Variants in C2CD5 observed in about 807,000 individuals in gnomAD.
The protein encoded by C2CD5 is C2 calcium dependent domain containing 5.
Under a neutral mutation model 130.3 loss-of-function variants are expected in C2CD5, and 109 were observed. The ratio of observed to expected loss-of-function variants is 0.84; its 90% CI spans 0.72 to 0.98. C2CD5 has a LOEUF of 0.98. Among genes scored for constraint, C2CD5 ranks in the 50% least tolerant of loss-of-function variants. The pLI, the probability that C2CD5 is intolerant of heterozygous loss-of-function variation, is 0.00. For synonymous variants in C2CD5, 454 were observed against 429.2 expected, an observed-to-expected ratio of 1.06 and a Z score of -0.71; for missense variants, 996 against 1,261.8, an observed-to-expected ratio of 0.79 and a Z score of 3.19.
chr12:22,492,516 C>T (rs376867872), intron 11 of C2CD5, among the ~76,000 whole-genome samples: 6 of 152,016 alleles, frequency 3.9e-5, no homozygotes, highest in South Asian at 2.1e-4. Flanking sequence ...TGGGGTCAGA[C>T]GACTTGAGAA....
intron 16 of C2CD5, among the ~76,000 whole-genome samples, chr12:22,473,722 ATC>A (rs1943400358): frequency 6.6e-6 from 1 of 152,054 alleles, no homozygotes; most frequent in Admixed American, 6.6e-5. Context: ...TGAAATTCTC[ATC>A]TACTAGGTCT....
At chr12:22,479,525 C>T (rs1944400658) in intron 14 of C2CD5, among the ~76,000 whole-genome samples, 1 of 152,084 alleles carries the variant, frequency 6.6e-6, no homozygotes, top group African/African-American at 2.4e-5. Flanking sequence ...AGGCAAGAGA[C>T]TGAAATTCAG....
At chr12:22,460,467 T>C (rs1940885465) in intron 22 of C2CD5, 1 of 151,700 alleles carries the variant, frequency 6.6e-6, no homozygotes, top group South Asian at 2.1e-4. Flanking sequence ...TTGGTAACAT[T>C]CTTAAATTAA....
At chr12:22,452,449 C>CT (rs1565631585) in intron 26 of C2CD5, among the ~76,000 whole-genome samples, 2 of 152,092 alleles carry the variant, frequency 1.3e-5, no homozygotes, top group East Asian at 3.9e-4. Context: ...ATCTCCTTCA[C>CT]GCCAAATCTT....
intron 12 of C2CD5, among the ~76,000 whole-genome samples, chr12:22,486,390 T>A (rs777255325): frequency 3.6e-4 from 55 of 152,232 alleles, no homozygotes; most frequent in Non-Finnish European, 7.2e-4. Flanking sequence ...CCTTTCCCCA[T>A]ATCAGTGCCA....
chr12:22,480,432 A>G (rs1173213186), intron 14 of C2CD5, among the ~76,000 whole-genome samples: 1 of 152,222 alleles, frequency 6.6e-6, no homozygotes, highest in African/African-American at 2.4e-5. Flanking sequence ...AAGTGCACAA[A>G]CTATAACAAA....
At chr12:22,472,200 G>GT (rs1057482901) in intron 18 of C2CD5, 86 bp downstream of exon 18, 29 of 888,138 alleles carry the variant, frequency 3.3e-5, no homozygotes, top group East Asian at 8.1e-5. Context: ...CAATAAGGAG[G>GT]TAAAAAAAAA....
In C2CD5 at chr12:22,449,776, C is replaced by T. The variant is rs1345416646; in HGVS notation, c.3140G>A (p.Gly1047Asp). The change falls in exon 27 of 27, where the codon GGC becomes GAC. Residue 1047 changes from glycine to aspartate, a missense_variant. Gly to Asp is a moderately conservative substitution (Grantham distance 94). Around this residue, in one of 9 missense-constraint regions of C2CD5, gnomAD observed 48 missense variants for 46.4 expected, o/e 1.03. Coordinates refer to ENST00000446597, the MANE Select transcript of C2CD5 (RefSeq NM_001286176.2). ...TAATTTTCCTCAGGTTGTAACTTCG[C>T]CTTCAGTACATGATGACTGGCAGTT... ...TTNCQSSCTE[G>D]EVTT 6.3e-7 allele frequency: 1 copy of T among 1,593,464 alleles called. No homozygotes were observed. Among genetic ancestry groups the T allele is most frequent in the South Asian group, 1.1e-5 (1 of 88,632 alleles).
intron 22 of C2CD5, among the ~76,000 whole-genome samples, chr12:22,460,885 T>C (rs149438946): frequency 2.0e-5 from 3 of 152,202 alleles, no homozygotes; most frequent in Admixed American, 6.6e-5. Flanking sequence ...GGCCCACAGT[T>C]TTCATAAAGC....
intron 24 of C2CD5, among the ~76,000 whole-genome samples, chr12:22,457,855 G>A (rs567063392): frequency 2.6e-5 from 4 of 152,094 alleles, no homozygotes; most frequent in Non-Finnish European, 5.9e-5. Context: ...TAAGTAACTT[G>A]CCCAAGGTCT....
intron 10 of C2CD5, among the ~76,000 whole-genome samples, chr12:22,506,453 A>G (rs1948546230): frequency 6.6e-6 from 1 of 152,246 alleles, no homozygotes; most frequent in Non-Finnish European, 1.5e-5. Context: ...CCTGGGTCAA[A>G]GAAAAGTTAT....
At chr12:22,497,287 G>A (rs1947142365) in intron 10 of C2CD5, among the ~76,000 whole-genome samples, 1 of 152,008 alleles carries the variant, frequency 6.6e-6, no homozygotes, top group Admixed American at 6.6e-5. Flanking sequence ...AGCTACCCGA[G>A]AGAACTTGAA....
chr12:22,497,645 A>G lies in C2CD5; in HGVS notation c.1148-4308T>C, dbSNP rs1947193622. 3.3e-6 allele frequency: 3 copies of G among 908,778 alleles called. No homozygotes were observed. In the African/African-American group the frequency reaches 5.4e-5, roughly 16 times the overall value. 56.3% of individuals were successfully genotyped at this position (908,778 alleles called of 1,614,324 possible). A position where few individuals can be genotyped will look rare whatever the true frequency, so the allele number is the denominator to read the frequency against. On this transcript the variant is annotated intron_variant, in intron 10 of 26. Transcript: ENST00000446597. ...AATTTCCCCTAATGAAAAAGAAATTAGAGAGTTCAGGTTCAAAGGAGTATA... is the reference window on the plus strand; with the variant it reads ...AATTTCCCCTAATGAAAAAGAAATTGGAGAGTTCAGGTTCAAAGGAGTATA...
chr12:22,544,277 C>T, intron 1 of C2CD5, 43 bp downstream of exon 1: 1 of 731,694 alleles, frequency 1.4e-6, no homozygotes. Flanking sequence ...CGCGCGGGGG[C>T]GCGCGCGGGC....
intron 2 of C2CD5, among the ~76,000 whole-genome samples, chr12:22,538,039 T>C (rs1951989870): frequency 6.6e-6 from 1 of 152,214 alleles, no homozygotes; most frequent in Non-Finnish European, 1.5e-5. Context: ...CCAGGACCAA[T>C]ACTTGATCAG....
chr12:22,528,422 T>C (rs1950921605), intron 3 of C2CD5, among the ~76,000 whole-genome samples: 1 of 152,178 alleles, frequency 6.6e-6, no homozygotes. Context: ...CATTATCGAG[T>C]TGTTATCATA....
intron 6 of C2CD5, 98 bp from the exon 7 acceptor site, chr12:22,523,722 A>G: frequency 1.1e-6 from 1 of 875,792 alleles, no homozygotes; most frequent in Non-Finnish European, 1.8e-6. Flanking sequence ...AAAGACCAAG[A>G]AAATCACAGA....
At chr12:22,509,209 C>A (rs1165310820) in intron 9 of C2CD5, among the ~76,000 whole-genome samples, 1 of 152,186 alleles carries the variant, frequency 6.6e-6, no homozygotes, top group Non-Finnish European at 1.5e-5. Context: ...ACAAGAGATA[C>A]TGAAAATAAC....
chr12:22,514,166 G>GGAC (rs1949481022), intron 8 of C2CD5, among the ~76,000 whole-genome samples: 1 of 152,052 alleles, frequency 6.6e-6, no homozygotes, highest in South Asian at 2.1e-4. Context: ...AGAAAGCAGG[G>GGAC]GACAGGTAAG....
Sources: gnomAD v4.1 joint callset for allele counts (sites outside exome capture counted in the v4.1 genomes callset) on GRCh38, gnomAD v4.1.1 for gene constraint, gnomAD v4.1.1 regional missense constraint, MANE v1.5 for transcripts, NCBI Gene and HGNC (gene_info 2026-07-23, HGNC 2026-07-21) for gene names.